The following CAMTA1 variants were observed in gnomAD, a reference collection of about 807,000 sequenced individuals.
CAMTA1 encodes calmodulin binding transcription activator 1.
CAMTA1 carries 27 observed loss-of-function variants against 170.9 expected under a neutral mutation model. That is an observed-to-expected ratio of 0.16 (90% CI 0.12 to 0.22). CAMTA1 has a LOEUF of 0.22. Among genes scored for constraint, CAMTA1 ranks in the 10% least tolerant of loss-of-function variants. The probability of loss-of-function intolerance (pLI) is 1.00; values close to 1 mark genes in which losing one functional copy is unlikely to be tolerated. For synonymous variants in CAMTA1, 833 were observed against 891.5 expected (o/e 0.93, Z 1.17); for missense variants, 1,619 against 2,217.2 (o/e 0.73, Z 5.42).
intron 5 of CAMTA1, among the ~76,000 whole-genome samples, chr1:7,310,549 G>A (rs1028401761): frequency 1.3e-5 from 2 of 152,082 alleles, no homozygotes; most frequent in Admixed American, 1.3e-4. Flanking sequence ...GGAAAGTAAT[G>A]TGTCGTTTTT....
rs2095994284 is a variant in CAMTA1, at chr1:7,665,620, C to T, written c.2652+421C>T. Among the ~76,000 whole-genome samples, 1 of 152,090 alleles carries T rather than the reference C, an allele frequency of 6.6e-6. No homozygotes were observed. Among genetic ancestry groups the T allele is most frequent in the South Asian group, 2.1e-4 (1 of 4,822 alleles). ...GTCCCAGCTATTCTGGAGGCTGAGT[C>T]CGGAGGAGCACTTGAGCCCAAGAGG... On this transcript the variant is annotated intron_variant, in intron 9 of 22. Coordinates refer to ENST00000303635, the MANE Select transcript of CAMTA1 (RefSeq NM_015215.4). This position sits in a 1 kb window ranked among gnomAD's most constrained non-coding sequence, Gnocchi z 4.3.
In CAMTA1 at chr1:6,926,430, TTTC is replaced by T. The variant is rs200018510; in HGVS notation, c.234+101223_234+101225del. On this transcript the variant is annotated intron_variant, in intron 3 of 22. Coordinates refer to ENST00000303635, the MANE Select transcript of CAMTA1 (RefSeq NM_015215.4). ...TCCTCTCTCTTTTCTTTTCTCTTTC[TTTC>T]TTTTCTCTTTCTTTCTTTCTTTCTT... 1.3e-4 allele frequency among the ~76,000 whole-genome samples: 18 copies of T among 140,302 alleles called. 1 individual carries two copies. Among genetic ancestry groups the T allele is most frequent in the African/African-American group, 2.2e-4 (8 of 36,758 alleles). The allele number at this position is 140,302 out of a possible 152,430, so 92.0% of individuals were successfully genotyped here.
chr1:7,596,475 G>T (rs942871832), intron 6 of CAMTA1, among the ~76,000 whole-genome samples: 2 of 152,286 alleles, frequency 1.3e-5, no homozygotes, highest in East Asian at 1.9e-4. Context: ...GGCCGCAGGT[G>T]CCCACTTCCC....
Position 7,374,110 on chromosome 1 carries a change from C to T in CAMTA1, c.439-93720C>T, listed in dbSNP as rs549097693. Among the ~76,000 whole-genome samples, 10 of 152,338 alleles carry T rather than the reference C, an allele frequency of 6.6e-5. No homozygotes were observed. The East Asian group carries it at 1.9e-3, about 29-fold the overall frequency. On this transcript the variant is annotated intron_variant, in intron 5 of 22. Coordinates refer to ENST00000303635, the MANE Select transcript of CAMTA1 (RefSeq NM_015215.4). ...GTGGTGGAAGTCCGGAGTTAGTACA[C>T]GTCATTGACAAATTGCCCAGGAAGC... is the stretch of plus-strand genomic sequence containing the variant.
chr1:7,636,789 G>T (rs56143980), intron 6 of CAMTA1, among the ~76,000 whole-genome samples: 1 of 152,078 alleles, frequency 6.6e-6, no homozygotes, highest in East Asian at 1.9e-4. Context: ...CACAGGTCTA[G>T]GGAGGGCACA....
chr1:7,138,166 T>C (rs1394778507), intron 4 of CAMTA1, among the ~76,000 whole-genome samples: 2 of 152,048 alleles, frequency 1.3e-5, no homozygotes, highest in Non-Finnish European at 2.9e-5. Flanking sequence ...TTAAAATTTT[T>C]TGTAGAAATG....
intron 4 of CAMTA1, among the ~76,000 whole-genome samples, chr1:7,139,432 A>G (rs752285972): frequency 1.3e-5 from 2 of 151,452 alleles, no homozygotes; most frequent in Non-Finnish European, 2.9e-5. Context: ...ACCCTCTCCG[A>G]GGCTGTGGTG....
At position 6,825,166 on chromosome 1, in the gene CAMTA1, T is replaced by C; in HGVS notation, c.190T>C (p.Cys64Arg). 1 of 1,611,514 alleles carries C rather than the reference T, an allele frequency of 6.2e-7. No homozygotes were observed. Among genetic ancestry groups the C allele is most frequent in the Non-Finnish European group, 8.5e-7 (1 of 1,179,090 alleles). ...AAAGCTGCTTGAATGTCTGCCGAAA[T>C]GTTCAAGTTTACCAAAAGAGAGGCA... ...PKKLLECLPK[C>R]SSLPKERHRW... The change falls in exon 3 of 23, where the codon TGT (cysteine) becomes CGT (arginine). Residue 64 changes from cysteine to arginine, a missense_variant. Cys to Arg is a radical substitution (Grantham distance 180). Coordinates refer to ENST00000303635, the MANE Select transcript of CAMTA1 (RefSeq NM_015215.4).
chr1:7,501,375 C>T (rs4908644), intron 6 of CAMTA1, among the ~76,000 whole-genome samples: 5 of 152,076 alleles, frequency 3.3e-5, no homozygotes, highest in Non-Finnish European at 7.4e-5. Flanking sequence ...ACCAGATGTG[C>T]CCTCACAGCT....
At chr1:7,661,638 G>A in intron 7 of CAMTA1, 88 bp from the exon 8 acceptor site, 1 of 1,455,296 alleles carries the variant, frequency 6.9e-7, no homozygotes, top group Non-Finnish European at 9.5e-7. Context: ...GCTGCCCTCA[G>A]GGAGGGCCTG....
intron 3 of CAMTA1, among the ~76,000 whole-genome samples, chr1:6,967,660 G>T (rs1004617260): frequency 1.3e-5 from 2 of 152,196 alleles, no homozygotes; most frequent in African/African-American, 4.8e-5. Flanking sequence ...GCTGTGCTGT[G>T]TGGTTCAGCC....
rs1373319130 is a variant in CAMTA1 at position 6,840,036 on chromosome 1, A to T, written c.234+14826A>T. 1.3e-4 allele frequency among the ~76,000 whole-genome samples: 20 copies of T among 152,164 alleles called. 1 individual carries two copies. The highest frequency in any genetic ancestry group is 2.9e-5 in the Non-Finnish European group (2 of 68,028). On this transcript the variant is annotated intron_variant, in intron 3 of 22. Coordinates refer to ENST00000303635, the MANE Select transcript of CAMTA1 (RefSeq NM_015215.4). Reference sequence around the variant, plus strand: ...ACCAACATGATGAAACCCCATCTCTACTAAAAATACAAAATTAGCCGGGCG... The same window carrying T: ...ACCAACATGATGAAACCCCATCTCTTCTAAAAATACAAAATTAGCCGGGCG...
At chr1:7,548,311 G>A (rs950425015) in intron 6 of CAMTA1, among the ~76,000 whole-genome samples, 1 of 152,180 alleles carries the variant, frequency 6.6e-6, no homozygotes, top group Non-Finnish European at 1.5e-5. Context: ...TCTGTAGACT[G>A]TGGGAGGGTC....
intron 5 of CAMTA1, among the ~76,000 whole-genome samples, chr1:7,253,427 A>C (rs1666908736): frequency 6.6e-6 from 1 of 152,156 alleles, no homozygotes. Flanking sequence ...CTGTGTCCGC[A>C]TCTCTCTGCT....
chr1:7,475,912 A>T (rs2093413027), intron 6 of CAMTA1, among the ~76,000 whole-genome samples: 1 of 152,188 alleles, frequency 6.6e-6, no homozygotes, highest in African/African-American at 2.4e-5. Context: ...GGCCAGGCCC[A>T]AGGTGCACAC....
intron 19 of CAMTA1, chr1:7,750,886 G>A (rs1419361687): frequency 1.3e-5 from 5 of 375,082 alleles, no homozygotes; most frequent in South Asian, 2.6e-5. Flanking sequence ...TTTTACTGTC[G>A]AAATCTGTTT....
At chr1:7,389,340 C>T (rs2088422727) in intron 5 of CAMTA1, 1 of 152,776 alleles carries the variant, frequency 6.5e-6, no homozygotes, top group Admixed American at 6.5e-5. Flanking sequence ...TGGAGCTCAC[C>T]ATCCGGACTC....
chr1:7,258,565 G>T (rs1667737994), intron 5 of CAMTA1, among the ~76,000 whole-genome samples: 1 of 152,162 alleles, frequency 6.6e-6, no homozygotes, highest in Non-Finnish European at 1.5e-5. Flanking sequence ...ACACAACCTG[G>T]ATGTTTGCAA....
chr1:7,069,802 AGACTTACCCTGGGCCT>A (rs1638364398), intron 3 of CAMTA1, among the ~76,000 whole-genome samples: 1 of 152,240 alleles, frequency 6.6e-6, no homozygotes, highest in Non-Finnish European at 1.5e-5. Flanking sequence ...CTGAGACTCC[AGACTTACCCTGGGCCT>A]AACTTGGGAA....
Sources: gnomAD v4.1 joint callset for allele counts (sites outside exome capture counted in the v4.1 genomes callset) on GRCh38, gnomAD v4.1.1 for gene constraint, Gnocchi (gnomAD v3.1) non-coding constraint, MANE v1.5 for transcripts, NCBI Gene and HGNC (gene_info 2026-07-23, HGNC 2026-07-21) for gene names.